Variants in PDAP1 observed in about 807,000 individuals in gnomAD.
PDAP1 encodes the protein 28 kDa heat- and acid-stable phosphoprotein.
PDAP1 carries 13 observed loss-of-function variants against 28.0 expected under a neutral mutation model. That is an observed-to-expected ratio of 0.46 (90% CI 0.30 to 0.74). The LOEUF is 0.74. PDAP1 is among the 30% of genes least tolerant of loss of function. PDAP1 has a pLI of 0.07. For missense variants in PDAP1, 150 were observed against 230.0 expected, an observed-to-expected ratio of 0.65 and a Z score of 2.25; for synonymous variants, 77 against 85.1, an observed-to-expected ratio of 0.91 and a Z score of 0.52.
Position 99,396,751 on chromosome 7 carries a change from G to A in PDAP1, c.488-11C>T. 6.2e-7 allele frequency: 1 copy of A among 1,611,026 alleles called. No homozygotes were observed. Among genetic ancestry groups the A allele is most frequent in the Non-Finnish European group, 8.5e-7 (1 of 1,178,378 alleles). ...TGGCATCGTCTTTTGCTGAGGGGTG[G>A]GAGAAGGGCAGGGGTTAAAACAAAG... is the stretch of plus-strand genomic sequence containing the variant. On this transcript the variant is annotated splice_polypyrimidine_tract_variant and intron_variant, in intron 5 of 5. Coordinates refer to ENST00000350498, the MANE Select transcript of PDAP1 (RefSeq NM_014891.7).
In PDAP1 at chr7:99,396,331, C is replaced by G; in HGVS notation, c.*351G>C. 2.8e-6 allele frequency: 1 copy of G among 359,046 alleles called. No homozygotes were observed. Among genetic ancestry groups the G allele is most frequent in the Non-Finnish European group, 5.3e-6 (1 of 187,710 alleles). The allele number at this position is 359,046 out of a possible 1,614,324, so 22.2% of individuals were successfully genotyped here. A position where few individuals can be genotyped will look rare whatever the true frequency, so the allele number is the denominator to read the frequency against. On this transcript the variant is annotated 3_prime_UTR_variant, in exon 6 of 6. Transcript: ENST00000350498. ...CAGCTGCCTCCTGGGACAACCACCC[C>G]CTTACATGCTATCTATCTACCAGAC...
At chr7:99,405,640 G>T (rs2150907889) in intron 1 of PDAP1, among the ~76,000 whole-genome samples, 1 of 151,210 alleles carries the variant, frequency 6.6e-6, no homozygotes, top group Non-Finnish European at 1.5e-5. Flanking sequence ...GGGATTACAG[G>T]TGTGAGCCAC....
chr7:99,404,963 C>A lies in PDAP1; in HGVS notation c.14-10G>T. The A allele has an allele frequency of 3.1e-6, 5 of 1,610,578 alleles. No homozygotes were observed. The highest frequency in any genetic ancestry group is 4.2e-6 in the Non-Finnish European group (5 of 1,177,182). On this transcript the variant is annotated splice_polypyrimidine_tract_variant and intron_variant, in intron 1 of 5. Transcript: ENST00000350498. Reference sequence around the variant, plus strand: ...TGGCCTCCCTTTCTTCCTGCAGAGACCCGCAGTTTAGGTGAGCGGAAGCAG... The same window carrying A: ...TGGCCTCCCTTTCTTCCTGCAGAGAACCGCAGTTTAGGTGAGCGGAAGCAG...
intron 1 of PDAP1, among the ~76,000 whole-genome samples, chr7:99,407,668 G>C (rs968460937): frequency 6.6e-6 from 1 of 152,166 alleles, no homozygotes; most frequent in Non-Finnish European, 1.5e-5. Flanking sequence ...CTAAGGATTA[G>C]CCCAGTGTTT....
Position 99,394,743 on chromosome 7 carries a change from T to C in PDAP1, c.*1939A>G. ...CCAAAGCACTATGCTGGTCATGAAC[T>C]GCTTCAAAATGTGGAGGTAATAAAA... On this transcript the variant is annotated 3_prime_UTR_variant, in exon 6 of 6. Coordinates refer to ENST00000350498, the MANE Select transcript of PDAP1 (RefSeq NM_014891.7). 8.2e-7 allele frequency: 1 copy of C among 1,215,414 alleles called. No homozygotes were observed. The highest frequency in any genetic ancestry group is 3.2e-5 in the East Asian group (1 of 31,286). The allele number at this position is 1,215,414 out of a possible 1,614,324, so 75.3% of individuals were successfully genotyped here.
chr7:99,397,476 G>A (rs551231013), intron 5 of PDAP1, among the ~76,000 whole-genome samples: 1 of 152,296 alleles, frequency 6.6e-6, no homozygotes, highest in African/African-American at 2.4e-5. Flanking sequence ...CCTGCAGATG[G>A]ACAGCGGTGA....
intron 2 of PDAP1, among the ~76,000 whole-genome samples, chr7:99,403,741 G>A (rs1794921537): frequency 2.6e-5 from 4 of 152,128 alleles, no homozygotes; most frequent in Admixed American, 1.3e-4. Context: ...AGTCCAGGAA[G>A]CCCCTCACAC....
intron 4 of PDAP1, among the ~76,000 whole-genome samples, chr7:99,399,845 T>C (rs1044776469): frequency 6.6e-6 from 1 of 152,226 alleles, no homozygotes; most frequent in Non-Finnish European, 1.5e-5. Context: ...TACAGCTTCA[T>C]TTTCACACAG....
chr7:99,401,153 T>C (rs1262874115), intron 3 of PDAP1, among the ~76,000 whole-genome samples: 1 of 152,164 alleles, frequency 6.6e-6, no homozygotes, highest in Non-Finnish European at 1.5e-5. Context: ...CTCAGATGCC[T>C]GGCACTGTAA....
At chr7:99,401,044 T>C (rs1001737405) in intron 3 of PDAP1, among the ~76,000 whole-genome samples, 2 of 152,098 alleles carry the variant, frequency 1.3e-5, no homozygotes, top group Non-Finnish European at 2.9e-5. Flanking sequence ...TCAGGCCCTG[T>C]CAATTCCATC....
Position 99,394,854 on chromosome 7 carries a change from T to C in PDAP1, c.*1828A>G, listed in dbSNP as rs1285983445. ...GAAGGAGAGGTTTTTTGTTATTTCC[T>C]TGGGGTCTTGCTAAGTTTTCCAGGC... is the stretch of plus-strand genomic sequence containing the variant. On this transcript the variant is annotated 3_prime_UTR_variant, in exon 6 of 6. Transcript: ENST00000350498. The C allele has an allele frequency of 1.6e-6, 2 of 1,226,250 alleles. No homozygotes were observed. The highest frequency in any genetic ancestry group is 2.0e-6 in the Non-Finnish European group (2 of 981,666). 76.0% of individuals were successfully genotyped at this position (1,226,250 alleles called of 1,614,324 possible). A position where few individuals can be genotyped will look rare whatever the true frequency, so the allele number is the denominator to read the frequency against.
chr7:99,405,597 C>T (rs948784868), intron 1 of PDAP1, among the ~76,000 whole-genome samples: 3 of 151,904 alleles, frequency 2.0e-5, no homozygotes, highest in African/African-American at 4.8e-5. Flanking sequence ...CTCTTGACCT[C>T]GTGATCTGCC....
rs748738956 is a variant in PDAP1 at position 99,396,724 on chromosome 7, T to A, written c.504A>T (p.Thr168=). 1.2e-5 allele frequency: 19 copies of A among 1,611,960 alleles called. No individual in the cohort carries two copies. The highest frequency in any genetic ancestry group is 1.6e-5 in the Non-Finnish European group (19 of 1,179,704). The change falls in exon 6 of 6, where the codon ACA becomes ACT. Residue 168 remains threonine, a synonymous_variant. Coordinates refer to ENST00000350498, the MANE Select transcript of PDAP1 (RefSeq NM_014891.7). ...GTGACTGCATTCGTTTTCCTGACAA[T>A]GTGGCATCGTCTTTTGCTGAGGGGT... The part of the protein sequence containing the change: ...EEERKAKDDA[T]LSGKRMQSLS...
At chr7:99,408,193 C>A (rs941397542) in intron 1 of PDAP1, among the ~76,000 whole-genome samples, 2 of 152,152 alleles carry the variant, frequency 1.3e-5, no homozygotes, top group South Asian at 4.1e-4. Context: ...GGGCCCGGCA[C>A]AAGCGCGGGA....
chr7:99,398,071 G>T (rs1794798980), intron 4 of PDAP1, 58 bp from the exon 5 acceptor site: 1 of 1,595,138 alleles, frequency 6.3e-7, no homozygotes. Context: ...TGCCAAACTG[G>T]ACGGGAGTCA....
intron 2 of PDAP1, 50 bp downstream of exon 2, chr7:99,404,812 C>T: frequency 6.7e-7 from 1 of 1,495,550 alleles, no homozygotes; most frequent in South Asian, 1.1e-5. Context: ...ACCAAATTGG[C>T]AAAGCGCCAC....
chr7:99,401,346 G>A (rs1794862440), intron 3 of PDAP1, among the ~76,000 whole-genome samples: 1 of 150,054 alleles, frequency 6.7e-6, no homozygotes, highest in Non-Finnish European at 1.5e-5. Flanking sequence ...TTTTTCTTTT[G>A]AGACAGAGTT....
intron 4 of PDAP1, among the ~76,000 whole-genome samples, chr7:99,398,866 C>G (rs1794811380): frequency 6.6e-6 from 1 of 152,232 alleles, no homozygotes; most frequent in Admixed American, 6.5e-5. Context: ...CCCAAGGGGA[C>G]AGCCCCCATC....
At chr7:99,406,263 T>A (rs749333211) in intron 1 of PDAP1, among the ~76,000 whole-genome samples, 6 of 151,758 alleles carry the variant, frequency 4.0e-5, no homozygotes, top group Non-Finnish European at 8.8e-5. Context: ...AATAAAAAAA[T>A]CGCTGTTCGT....
Sources: allele counts gnomAD v4.1 joint callset (sites outside exome capture counted in the v4.1 genomes callset), GRCh38; gene constraint gnomAD v4.1.1; transcripts MANE v1.5; gene names NCBI Gene and HGNC (gene_info 2026-07-23, HGNC 2026-07-21).